The following MACF1 variants were observed in gnomAD, a reference collection of about 807,000 sequenced individuals.
MACF1 encodes the protein microtubule actin crosslinking factor 1.
MACF1 carries 193 observed loss-of-function variants against 854.8 expected under a neutral mutation model. The ratio of observed to expected loss-of-function variants is 0.23; its 90% CI spans 0.20 to 0.25. The LOEUF (loss-of-function observed/expected upper bound fraction) is 0.25. Among genes scored for constraint, MACF1 ranks in the 10% least tolerant of loss-of-function variants. MACF1 has a pLI of 1.00. For synonymous variants in MACF1, 3,185 were observed against 3,226.7 expected, an observed-to-expected ratio of 0.99 and a Z score of 0.44; for missense variants, 7,722 against 8,929.1, an observed-to-expected ratio of 0.86 and a Z score of 5.45.
intron 49 of MACF1, among the ~76,000 whole-genome samples, chr1:39,361,915 G>C (rs1004939193): frequency 1.3e-5 from 2 of 152,188 alleles, no homozygotes; most frequent in African/African-American, 4.8e-5. Flanking sequence ...GGGCCACTCA[G>C]TTCATCATAG....
At chr1:39,440,076 TTTTTCTTTTC>T (rs752417043) in intron 72 of MACF1, among the ~76,000 whole-genome samples, 6,023 of 126,814 alleles carry the variant, frequency 0.047, 307 homozygotes, top group Middle Eastern at 0.086. Context: ...TTTGGTGCTA[TTTTTCTTTTC>T]TTTTCTTTTC....
rs1644709555 is a variant in MACF1, at chr1:39,468,279, C to G, written c.21772-336C>G. ...GGCACACGCCTAATAAACCCAGCTA[C>G]TCGGGAGGCTGAGGCAGGAGAATTG... On this transcript the variant is annotated intron_variant, in intron 95 of 100. Coordinates refer to ENST00000564288, the MANE Select transcript of MACF1 (RefSeq NM_001394062.1). 4 of 189,538 alleles carry G rather than the reference C, an allele frequency of 2.1e-5. No individual in the cohort carries two copies. The South Asian group carries it at 4.0e-4, about 19-fold the overall frequency. 11.7% of individuals were successfully genotyped at this position (189,538 alleles called of 1,614,324 possible). A position where few individuals can be genotyped will look rare whatever the true frequency, so the allele number is the denominator to read the frequency against.
chr1:39,176,780 A>ACT (rs1348063666), intron 2 of MACF1, among the ~76,000 whole-genome samples: 1 of 152,236 alleles, frequency 6.6e-6, no homozygotes, highest in Non-Finnish European at 1.5e-5. Flanking sequence ...TACTTGGGCC[A>ACT]AGTGATATAA....
chr1:39,419,016 A>T (rs1396224756), intron 58 of MACF1, among the ~76,000 whole-genome samples: 2 of 152,234 alleles, frequency 1.3e-5, no homozygotes, highest in African/African-American at 4.8e-5. Context: ...CTTAGTTAAT[A>T]ACATGACACA....
intron 2 of MACF1, among the ~76,000 whole-genome samples, chr1:39,180,183 A>G (rs1644086534): frequency 6.6e-6 from 1 of 152,110 alleles, no homozygotes; most frequent in Non-Finnish European, 1.5e-5. Context: ...TGCAGGATGA[A>G]GACTTATTAT....
chr1:39,165,818 C>T (rs754521065), intron 2 of MACF1, among the ~76,000 whole-genome samples: 6 of 152,132 alleles, frequency 3.9e-5, no homozygotes, highest in Non-Finnish European at 7.4e-5. Context: ...TGTGGAATGG[C>T]AGGAACCTTT....
intron 58 of MACF1, chr1:39,410,418 G>A (rs1642936720): frequency 6.2e-7 from 1 of 1,614,016 alleles, no homozygotes; most frequent in East Asian, 2.2e-5. Flanking sequence ...TTGACCAGGG[G>A]TCAAAGCTTA....
chr1:39,221,511 T>G (rs995935403), intron 1 of MACF1, among the ~76,000 whole-genome samples: 1 of 152,202 alleles, frequency 6.6e-6, no homozygotes, highest in African/African-American at 2.4e-5. Flanking sequence ...TCTTCTCCTT[T>G]ACCCAATGTA....
intron 26 of MACF1, among the ~76,000 whole-genome samples, chr1:39,314,278 G>A (rs551961245): frequency 6.4e-4 from 97 of 152,130 alleles, no homozygotes; most frequent in South Asian, 8.3e-4. Flanking sequence ...GCATGGTGGC[G>A]TGTGCCTGTA....
chr1:39,424,124 G>C lies in MACF1; in HGVS notation c.16246G>C (p.Glu5416Gln). The change falls in exon 61 of 101, where the codon GAG (glutamate) becomes CAG (glutamine). Residue 5416 changes from glutamate (E) to glutamine (Q), a missense_variant. By Grantham distance (29) the Glu-to-Gln change is conservative (BLOSUM62 2). Coordinates refer to ENST00000564288, the MANE Select transcript of MACF1 (RefSeq NM_001394062.1). ...CCAGTCAGCAGAGCTGGCTGATAGA[G>C]AGAAAATCACTGGACAGCTGGAGAG... Reference protein sequence around the residue: ...IAQSAELADREKITGQLESLE... With the variant: ...IAQSAELADRQKITGQLESLE... 1 of 1,613,414 alleles carries C rather than the reference G, an allele frequency of 6.2e-7. No homozygotes were observed. The highest frequency in any genetic ancestry group is 8.5e-7 in the Non-Finnish European group (1 of 1,179,932).
At chr1:39,229,856 C>T (rs926546776) in intron 1 of MACF1, among the ~76,000 whole-genome samples, 2 of 152,192 alleles carry the variant, frequency 1.3e-5, no homozygotes, top group African/African-American at 2.4e-5. Context: ...CCCACCCTCC[C>T]ACCTCAGCCT....
intron 2 of MACF1, among the ~76,000 whole-genome samples, chr1:39,149,223 C>G (rs556253661): frequency 1.3e-5 from 2 of 152,096 alleles, no homozygotes; most frequent in Non-Finnish European, 2.9e-5. Context: ...AGTGCCATTA[C>G]TTGAAGTGGG....
At position 39,293,502 on chromosome 1, in the gene MACF1, A is replaced by G; in HGVS notation, c.2037A>G (p.Lys679=). 1 of 1,614,034 alleles carries G rather than the reference A, an allele frequency of 6.2e-7. No individual in the cohort carries two copies. The highest frequency in any genetic ancestry group is 8.5e-7 in the Non-Finnish European group (1 of 1,179,900). Reference sequence around the variant, plus strand: ...TGAGGCACCTTCAGAGCCTGCATAAATTTGTTTCCAGAGCTACAGCTGAGT... The same window carrying G: ...TGAGGCACCTTCAGAGCCTGCATAAGTTTGTTTCCAGAGCTACAGCTGAGT... ...FRMRHLQSLH[K]FVSRATAELI... The change falls in exon 18 of 101, where the codon AAA becomes AAG. Residue 679 remains lysine (K), a synonymous_variant. Transcript: ENST00000564288.
intron 15 of MACF1, 135 bp downstream of exon 15, chr1:39,287,697 G>T (rs894834740): frequency 1.2e-5 from 12 of 1,021,980 alleles, no homozygotes; most frequent in Non-Finnish European, 1.7e-5. Context: ...TTGAGTGATG[G>T]GGTCTTGCTA....
At chr1:39,383,470 T>C (rs1026265805) in intron 56 of MACF1, among the ~76,000 whole-genome samples, 5 of 152,198 alleles carry the variant, frequency 3.3e-5, no homozygotes, top group Non-Finnish European at 4.4e-5. Flanking sequence ...CTGAGGAATT[T>C]TAAAAGTATA....
intron 2 of MACF1, among the ~76,000 whole-genome samples, chr1:39,137,974 T>C (rs1420172080): frequency 6.8e-6 from 1 of 147,020 alleles, no homozygotes; most frequent in Non-Finnish European, 1.5e-5. Flanking sequence ...CTAGGGAGGC[T>C]GAGGCAGGAG....
chr1:39,199,078 C>T (rs1473012515), intron 2 of MACF1, among the ~76,000 whole-genome samples: 1 of 151,856 alleles, frequency 6.6e-6, no homozygotes, highest in Non-Finnish European at 1.5e-5. Context: ...CTCTGCCTAC[C>T]AGGTTCACAC....
chr1:39,456,701 A>G lies in MACF1; in HGVS notation c.21075+1604A>G, dbSNP rs553866011. 3 of 152,122 alleles carry G rather than the reference A, an allele frequency of 2.0e-5. No homozygotes were observed. In the South Asian group the frequency reaches 6.2e-4, roughly 32 times the overall value. The allele number at this position is 152,122 out of a possible 1,614,324, so 9.4% of individuals were successfully genotyped here. On this transcript the variant is annotated intron_variant, in intron 89 of 100. Transcript: ENST00000564288. ...TCTCTCCCTGTTTATTCTTTTCTCT[A>G]AAGCTTCCAGACATGTCCTTCCAAC...
In MACF1 at chr1:39,382,267, A is replaced by G. The variant is rs1015092841; in HGVS notation, c.13848+115A>G. On this transcript the variant is annotated intron_variant, in intron 56 of 100. Transcript: ENST00000564288. ...AAGTCATTTAATCTCTCAGAGTCTC[A>G]GTTTAAATGAGGTATTTATAAGGTG... The G allele has an allele frequency of 4.3e-6, 4 of 939,966 alleles. No individual in the cohort carries two copies. The African/African-American group carries it at 6.6e-5, about 15-fold the overall frequency. 58.2% of individuals were successfully genotyped at this position (939,966 alleles called of 1,614,324 possible).
Sources: gnomAD v4.1 joint callset for allele counts (sites outside exome capture counted in the v4.1 genomes callset) on GRCh38, gnomAD v4.1.1 for gene constraint, MANE v1.5 for transcripts, NCBI Gene and HGNC (gene_info 2026-07-23, HGNC 2026-07-21) for gene names.